Variants in CCDC40 observed in about 807,000 individuals in gnomAD.
CCDC40 encodes coiled-coil domain-containing protein 40.
Under a neutral mutation model 124.5 loss-of-function variants are expected in CCDC40, and 104 were observed. That is an observed-to-expected ratio of 0.84 (90% CI 0.71 to 0.98). The LOEUF (loss-of-function observed/expected upper bound fraction) is 0.98, where lower values mean the gene tolerates loss of function less well. CCDC40 is among the 50% of genes least tolerant of loss of function. CCDC40 has a pLI of 0.00. For missense variants in CCDC40, 1,463 were observed against 1,503.9 expected, an observed-to-expected ratio of 0.97 and a Z score of 0.45; for synonymous variants, 580 against 602.9, an observed-to-expected ratio of 0.96 and a Z score of 0.56.
intron 10 of CCDC40, among the ~76,000 whole-genome samples, chr17:80,070,330 C>T (rs1171723193): frequency 2.0e-5 from 3 of 152,260 alleles, no homozygotes; most frequent in Non-Finnish European, 2.9e-5. Flanking sequence ...CATAGTGGCT[C>T]CTGCCTGTAA....
At chr17:80,062,740 G>A (rs925436209) in intron 9 of CCDC40, among the ~76,000 whole-genome samples, 8 of 151,960 alleles carry the variant, frequency 5.3e-5, no homozygotes, top group Admixed American at 2.0e-4. Context: ...CCACCACACC[G>A]TGCTAATTTT....
At position 80,048,725 on chromosome 17, in the gene CCDC40, C is replaced by T. The variant is rs552998827; in HGVS notation, c.819C>T (p.Asp273=). ...AGGGGAGTGACGAGGAAGCAGAAGA[C>T]GAAGGGTCCCAGCTGGTGGTTTTGG... is the stretch of plus-strand genomic sequence containing the variant. ...ESEGSDEEAE[D]EGSQLVVLDP... is the part of the protein sequence containing the mutation. The change falls in exon 5 of 20, where the codon GAC becomes GAT. Residue 273 remains aspartate (D), a synonymous_variant. Transcript: ENST00000397545. 32 of 1,613,282 alleles carry T rather than the reference C, an allele frequency of 2.0e-5. No individual in the cohort carries two copies. The East Asian group carries it at 4.9e-4, about 25-fold the overall frequency.
At chr17:80,097,770 C>T in intron 19 of CCDC40, 1 of 291,982 alleles carries the variant, frequency 3.4e-6, no homozygotes, top group Non-Finnish European at 6.7e-6. Flanking sequence ...CATGGTGGTA[C>T]ACACCTGTGG....
rs187049659 is a variant in CCDC40, at chr17:80,036,912, C to T, written c.29+221C>T. On this transcript the variant is annotated intron_variant, in intron 1 of 19. Coordinates refer to ENST00000397545, the MANE Select transcript of CCDC40 (RefSeq NM_017950.4). ...CCCTTCTCACTTCTCCCCTCCTGTC[C>T]CTTTGTCCTCTCTCGGCCTCCCTCT... Among the ~76,000 whole-genome samples, 337 of 152,268 alleles carry T rather than the reference C, an allele frequency of 2.2e-3. 2 individuals carry two copies. The highest frequency in any genetic ancestry group is 6.8e-3 in the Middle Eastern group (2 of 294).
At chr17:80,083,348 G>A (rs957593093) in intron 12 of CCDC40, among the ~76,000 whole-genome samples, 13 of 152,224 alleles carry the variant, frequency 8.5e-5, no homozygotes, top group African/African-American at 2.9e-4. Flanking sequence ...GCAGGGTCTG[G>A]GTTCCACCAC....
intron 19 of CCDC40, chr17:80,098,978 CAAA>C (rs149775682): frequency 0.12 from 14,793 of 122,134 alleles, 858 homozygotes; most frequent in East Asian, 0.28. Context: ...GAGACAGCCT[CAAA>C]AAAAAAAAAA....
intron 16 of CCDC40, among the ~76,000 whole-genome samples, chr17:80,088,807 T>C (rs2038643113): frequency 6.6e-6 from 1 of 152,128 alleles, no homozygotes; most frequent in African/African-American, 2.4e-5. Context: ...ACCCTGTCTC[T>C]AAAAGAAGAA....
chr17:80,099,996 G>A lies in CCDC40; in HGVS notation c.*221G>A. 2 of 580,048 alleles carry A rather than the reference G, an allele frequency of 3.4e-6. No homozygotes were observed. Among genetic ancestry groups the A allele is most frequent in the Non-Finnish European group, 6.1e-6 (2 of 326,470 alleles). The allele number at this position is 580,048 out of a possible 1,614,324, so 35.9% of individuals were successfully genotyped here. ...CTAGCGTTTCCCATGGCATCCCATC[G>A]CAAAGACAGAGCCTGTGACTGCAGA... On this transcript the variant is annotated 3_prime_UTR_variant, in exon 20 of 20. Coordinates refer to ENST00000397545, the MANE Select transcript of CCDC40 (RefSeq NM_017950.4).
At position 80,051,628 on chromosome 17, in the gene CCDC40, C is replaced by CA. The variant is rs200887220; in HGVS notation, c.1159+1371dup. ...TGGGCGACAGAGCGAGACTCCGTCT[C>CA]AAAAAAAAAAAAAAAAAAAAAAAAA... On this transcript the variant is annotated intron_variant, in intron 7 of 19. Transcript: ENST00000397545. Among the ~76,000 whole-genome samples, 599 of 94,082 alleles carry CA rather than the reference C, an allele frequency of 6.4e-3. 15 individuals are homozygous for CA. The highest frequency in any genetic ancestry group is 0.033 in the South Asian group (74 of 2,238). 61.7% of individuals were successfully genotyped at this position (94,082 alleles called of 152,430 possible).
chr17:80,041,353 C>A (rs1047102836), intron 3 of CCDC40, among the ~76,000 whole-genome samples: 3 of 151,858 alleles, frequency 2.0e-5, no homozygotes, highest in Non-Finnish European at 4.4e-5. Context: ...ACTAAAAATA[C>A]AAAAATTAGC....
intron 19 of CCDC40, 37 bp downstream of exon 19, chr17:80,097,440 C>G: frequency 6.2e-7 from 1 of 1,611,628 alleles, no homozygotes; most frequent in African/African-American, 1.3e-5. Flanking sequence ...GGATGACGGC[C>G]ATGGAACATG....
chr17:80,077,088 A>G (rs1214719602), intron 10 of CCDC40, among the ~76,000 whole-genome samples: 2 of 152,188 alleles, frequency 1.3e-5, no homozygotes, highest in Non-Finnish European at 2.9e-5. Flanking sequence ...GATAGACTAC[A>G]GTAAAGTATG....
At chr17:80,090,577 C>T (rs769235845) in intron 17 of CCDC40, 1 of 1,496,182 alleles carries the variant, frequency 6.7e-7, no homozygotes. Flanking sequence ...AACCCTCAAA[C>T]TTTGTGACCC....
intron 16 of CCDC40, 49 bp from the exon 17 acceptor site, chr17:80,089,715 A>T (rs777484900): frequency 5.0e-6 from 8 of 1,611,658 alleles, no homozygotes; most frequent in Non-Finnish European, 6.8e-6. Flanking sequence ...TCACCGAAGC[A>T]TCAGAAGAAA....
At chr17:80,085,909 A>G in intron 13 of CCDC40, 94 bp from the exon 14 acceptor site, 1 of 1,152,690 alleles carries the variant, frequency 8.7e-7, no homozygotes, top group South Asian at 1.2e-5. Flanking sequence ...ACCTCGGGTG[A>G]TCCACCCGCC....
chr17:80,089,850 T>G lies in CCDC40; in HGVS notation c.2798T>G (p.Ile933Ser), dbSNP rs564504598. ...SVDSEIGQTEIRAMKGEIHRM... is the reference protein window; with the variant it reads ...SVDSEIGQTESRAMKGEIHRM... ...GATTCCGAGATCGGCCAGACGGAGA[T>G]CCGGGCCATGAAGGGCGAGATCCAC... is the stretch of plus-strand genomic sequence containing the variant. Residue 933 changes from isoleucine to serine, a missense_variant, in exon 17 of 20, where the codon ATC (isoleucine) becomes AGC (serine). By Grantham distance (142) the Ile-to-Ser change is moderately radical (BLOSUM62 -2). Transcript: ENST00000397545. The G allele has an allele frequency of 2.5e-4, 409 of 1,614,028 alleles. 6 individuals carry two copies. The South Asian group carries it at 4.3e-3, about 17-fold the overall frequency.
intron 7 of CCDC40, among the ~76,000 whole-genome samples, chr17:80,050,507 G>A (rs1386674445): frequency 1.3e-5 from 2 of 152,166 alleles, no homozygotes; most frequent in African/African-American, 4.8e-5. Context: ...GCAATGGCGC[G>A]ATCTTGGCTC....
At chr17:80,068,428 C>T (rs953823985) in intron 10 of CCDC40, among the ~76,000 whole-genome samples, 6 of 152,126 alleles carry the variant, frequency 3.9e-5, no homozygotes, top group African/African-American at 1.4e-4. Context: ...TTTGAAGAAG[C>T]AACTTGGAGA....
chr17:80,080,524 C>T (rs2038423546), intron 10 of CCDC40, among the ~76,000 whole-genome samples: 1 of 152,226 alleles, frequency 6.6e-6, no homozygotes, highest in South Asian at 2.1e-4. Flanking sequence ...AGTGGGCCCA[C>T]TGGTGTTCCC....
Sources: allele counts gnomAD v4.1 joint callset (sites outside exome capture counted in the v4.1 genomes callset), GRCh38; gene constraint gnomAD v4.1.1; transcripts MANE v1.5; gene names NCBI Gene and HGNC (gene_info 2026-07-23, HGNC 2026-07-21).